Variants in ADGRV1 observed in about 807,000 individuals in gnomAD.
ADGRV1 encodes the protein adhesion G protein-coupled receptor V1, also known as G-protein coupled receptor 98.
A neutral mutation model predicts 596.2 loss-of-function variants in ADGRV1; 359 were observed. The ratio of observed to expected loss-of-function variants is 0.60; its 90% CI spans 0.55 to 0.66. ADGRV1 has a LOEUF of 0.66. ADGRV1 is among the 30% of genes least tolerant of loss of function. The pLI, the probability that ADGRV1 is intolerant of heterozygous loss-of-function variation, is 0.00. For synonymous variants in ADGRV1, 2,681 were observed against 2,679.2 expected (o/e 1.00, Z -0.02); for missense variants, 7,274 against 7,575.6 (o/e 0.96, Z 1.48).
chr5:91,062,784 G>T (rs1257526018), intron 85 of ADGRV1, among the ~76,000 whole-genome samples: 1 of 151,774 alleles, frequency 6.6e-6, no homozygotes, highest in African/African-American at 2.4e-5. Flanking sequence ...TTTCTTTCTT[G>T]CTGGTTCTTC....
intron 86 of ADGRV1, among the ~76,000 whole-genome samples, chr5:91,073,583 G>T (rs1355187420): frequency 6.6e-6 from 1 of 152,148 alleles, no homozygotes; most frequent in Non-Finnish European, 1.5e-5. Flanking sequence ...TTTCCTTGTA[G>T]TATAAAGAAA....
At chr5:91,042,565 T>G (rs1269600234) in intron 85 of ADGRV1, among the ~76,000 whole-genome samples, 1 of 152,206 alleles carries the variant, frequency 6.6e-6, no homozygotes, top group Non-Finnish European at 1.5e-5. Flanking sequence ...CTTTAAGTTC[T>G]GGGATACATG....
intron 87 of ADGRV1, among the ~76,000 whole-genome samples, chr5:91,121,840 G>A (rs1793340359): frequency 2.0e-5 from 3 of 152,050 alleles, no homozygotes; most frequent in Non-Finnish European, 2.9e-5. Context: ...TCTGGAAAGA[G>A]TTGAGCAACT....
chr5:90,839,045 C>T (rs1765207304), intron 77 of ADGRV1, among the ~76,000 whole-genome samples: 1 of 152,154 alleles, frequency 6.6e-6, no homozygotes, highest in African/African-American at 2.4e-5. Context: ...TCATTCCCTA[C>T]TATATCCTAA....
chr5:90,978,769 G>A (rs1049862129), intron 84 of ADGRV1, among the ~76,000 whole-genome samples: 2 of 151,664 alleles, frequency 1.3e-5, no homozygotes, highest in African/African-American at 4.8e-5. Context: ...TTAACAAGGT[G>A]GCATATATAT....
At chr5:91,026,331 A>G (rs1340456547) in intron 85 of ADGRV1, among the ~76,000 whole-genome samples, 5 of 152,208 alleles carry the variant, frequency 3.3e-5, no homozygotes, top group African/African-American at 1.2e-4. Context: ...AAAATAAGCC[A>G]AAGATCATTT....
intron 20 of ADGRV1, among the ~76,000 whole-genome samples, chr5:90,657,329 A>G (rs1769554934): frequency 6.6e-6 from 1 of 151,722 alleles, no homozygotes; most frequent in Non-Finnish European, 1.5e-5. Flanking sequence ...TGTCCTTGCT[A>G]TTTGTTAGTC....
chr5:91,003,049 C>T (rs913421910), intron 85 of ADGRV1, among the ~76,000 whole-genome samples: 1 of 152,104 alleles, frequency 6.6e-6, no homozygotes, highest in Non-Finnish European at 1.5e-5. Context: ...TCTTTCCTTA[C>T]CTCCCAGGGT....
At chr5:90,928,462 AG>A (rs1490082529) in intron 83 of ADGRV1, among the ~76,000 whole-genome samples, 2 of 149,718 alleles carry the variant, frequency 1.3e-5, no homozygotes, top group East Asian at 3.9e-4. Flanking sequence ...GTAGTTCTCG[AG>A]CCTTGGTTTT....
chr5:90,916,477 A>T (rs1407332270), intron 83 of ADGRV1, among the ~76,000 whole-genome samples: 1 of 152,068 alleles, frequency 6.6e-6, no homozygotes, highest in Non-Finnish European at 1.5e-5. Flanking sequence ...AATTTTTAGG[A>T]GCTCTGCTGG....
chr5:91,033,716 G>A (rs980469240), intron 85 of ADGRV1, among the ~76,000 whole-genome samples: 1 of 152,056 alleles, frequency 6.6e-6, no homozygotes, highest in African/African-American at 2.4e-5. Context: ...TTTTGTTGTG[G>A]CTTTATTTTT....
intron 86 of ADGRV1, among the ~76,000 whole-genome samples, chr5:91,086,961 G>A (rs557554564): frequency 3.3e-5 from 5 of 152,172 alleles, no homozygotes; most frequent in East Asian, 1.9e-4. Flanking sequence ...CAAACATCTC[G>A]TTACTCACCT....
rs868316726 is a variant in ADGRV1 at position 90,926,491 on chromosome 5, T to C, written c.17857-38924T>C. ...ATCGGTGGTGATATCCCCTTTATCATTTTTTATTGTGTCTATTTGATTCTT... is the reference window on the plus strand; with the variant it reads ...ATCGGTGGTGATATCCCCTTTATCACTTTTTATTGTGTCTATTTGATTCTT... On this transcript the variant is annotated intron_variant, in intron 83 of 89. Coordinates refer to ENST00000405460, the MANE Select transcript of ADGRV1 (RefSeq NM_032119.4). 2.5e-3 allele frequency among the ~76,000 whole-genome samples: 372 copies of C among 151,212 alleles called. 2 individuals carry two copies. The highest frequency in any genetic ancestry group is 0.017 in the South Asian group (82 of 4,746).
At chr5:90,875,914 G>C (rs1360033162) in intron 83 of ADGRV1, among the ~76,000 whole-genome samples, 1 of 152,204 alleles carries the variant, frequency 6.6e-6, no homozygotes, top group Non-Finnish European at 1.5e-5. Context: ...GTAAATGTCT[G>C]TAGTGCCAAA....
At chr5:90,939,999 C>T (rs192144797) in intron 83 of ADGRV1, among the ~76,000 whole-genome samples, 1 of 152,280 alleles carries the variant, frequency 6.6e-6, no homozygotes, top group Admixed American at 6.5e-5. Flanking sequence ...TCACATAGTT[C>T]AGAAATAACG....
chr5:90,706,080 G>A, intron 37 of ADGRV1, 151 bp from the exon 38 acceptor site: 2 of 597,492 alleles, frequency 3.3e-6, no homozygotes, highest in Admixed American at 3.3e-5. Flanking sequence ...CCATCACATG[G>A]TAAAGATTAT....
chr5:90,881,747 C>A (rs761821177), intron 83 of ADGRV1, among the ~76,000 whole-genome samples: 2 of 152,016 alleles, frequency 1.3e-5, no homozygotes, highest in Non-Finnish European at 2.9e-5. Context: ...AAAAAAAATA[C>A]AAGATCTTGC....
At chr5:90,605,132 TCA>T (rs1455306798) in intron 1 of ADGRV1, among the ~76,000 whole-genome samples, 1 of 152,152 alleles carries the variant, frequency 6.6e-6, no homozygotes. Context: ...AATCAGAAGT[TCA>T]GTTACATGAG....
intron 14 of ADGRV1, 40 bp from the exon 15 acceptor site, chr5:90,644,666 G>A (rs367614367): frequency 6.4e-5 from 96 of 1,500,894 alleles, no homozygotes; most frequent in Middle Eastern, 5.2e-4. Context: ...TAAAAGTTTC[G>A]TATGTCTTCA....
Sources: gnomAD v4.1 joint callset for allele counts (sites outside exome capture counted in the v4.1 genomes callset) on GRCh38, gnomAD v4.1.1 for gene constraint, MANE v1.5 for transcripts, NCBI Gene and HGNC (gene_info 2026-07-23, HGNC 2026-07-21) for gene names.